Variants in MINDY3 observed in about 807,000 individuals in gnomAD.
MINDY3 encodes the protein MINDY lysine 48 deubiquitinase 3, also known as ubiquitin carboxyl-terminal hydrolase MINDY-3.
In MINDY3, 38 loss-of-function variants were observed where a neutral mutation model predicts 69.2. The ratio of observed to expected loss-of-function variants is 0.55; its 90% confidence interval spans 0.42 to 0.72. The LOEUF (loss-of-function observed/expected upper bound fraction) is 0.72. Ranked by LOEUF, MINDY3 falls within the 30% of genes least tolerant of loss-of-function variation. The pLI, the probability that MINDY3 is intolerant of heterozygous loss-of-function variation, is 0.00. For missense variants in MINDY3, 522 were observed against 519.0 expected, an observed-to-expected ratio of 1.01 and a Z score of -0.06; for synonymous variants, 192 against 180.1, an observed-to-expected ratio of 1.07 and a Z score of -0.53.
chr10:15,814,374 G>A (rs998818074), intron 10 of MINDY3, among the ~76,000 whole-genome samples: 2 of 151,922 alleles, frequency 1.3e-5, no homozygotes, highest in African/African-American at 4.8e-5. Context: ...AATGAGTCGT[G>A]TAAAATATTC....
intron 1 of MINDY3, among the ~76,000 whole-genome samples, chr10:15,858,254 AAAAG>A (rs1487292135): frequency 2.6e-5 from 4 of 152,204 alleles, no homozygotes; most frequent in African/African-American, 9.6e-5. Context: ...GTAAACGAAA[AAAAG>A]AAAGAAATCC....
chr10:15,827,317 G>A (rs931366461), intron 8 of MINDY3, among the ~76,000 whole-genome samples: 3 of 151,904 alleles, frequency 2.0e-5, no homozygotes, highest in Non-Finnish European at 1.5e-5. Flanking sequence ...CGAGGTTGAC[G>A]GATCACCTGA....
chr10:15,820,172 C>G (rs981021685), intron 9 of MINDY3, among the ~76,000 whole-genome samples: 2 of 152,124 alleles, frequency 1.3e-5, no homozygotes, highest in Admixed American at 6.6e-5. Flanking sequence ...AGAAAAAAGT[C>G]TCTGAGGTAC....
intron 10 of MINDY3, among the ~76,000 whole-genome samples, chr10:15,813,692 C>A (rs1839164021): frequency 6.6e-6 from 1 of 152,098 alleles, no homozygotes; most frequent in Non-Finnish European, 1.5e-5. Context: ...ATGAAGAAAC[C>A]TGCAACTATT....
At chr10:15,788,208 A>C (rs1286442151) in intron 12 of MINDY3, among the ~76,000 whole-genome samples, 4 of 152,188 alleles carry the variant, frequency 2.6e-5, no homozygotes. Context: ...AGTTAGAAGA[A>C]GTATAGTAAT....
At chr10:15,804,661 A>T (rs949853045) in intron 10 of MINDY3, among the ~76,000 whole-genome samples, 1 of 152,178 alleles carries the variant, frequency 6.6e-6, no homozygotes, top group African/African-American at 2.4e-5. Flanking sequence ...TAAATGCTGT[A>T]TAATTTACCT....
intron 7 of MINDY3, 78 bp downstream of exon 7, chr10:15,834,465 C>CT: frequency 2.0e-6 from 2 of 986,360 alleles, no homozygotes. Context: ...AATTACTTGA[C>CT]TCAGTCATGT....
At chr10:15,817,261 C>G (rs1039181559) in intron 9 of MINDY3, 1 of 189,266 alleles carries the variant, frequency 5.3e-6, no homozygotes, top group Non-Finnish European at 1.1e-5. Flanking sequence ...ACCTCAAACC[C>G]TAAAACTATA....
At chr10:15,808,955 C>T (rs1406382988) in intron 10 of MINDY3, among the ~76,000 whole-genome samples, 6 of 152,026 alleles carry the variant, frequency 3.9e-5, no homozygotes, top group African/African-American at 1.4e-4. Flanking sequence ...GATTCAAATG[C>T]ACAGTAAAAA....
intron 10 of MINDY3, 53 bp downstream of exon 10, chr10:15,816,782 A>C: frequency 8.3e-7 from 1 of 1,207,502 alleles, no homozygotes; most frequent in South Asian, 1.3e-5. Flanking sequence ...TGAACTTATA[A>C]TACTTGTTTG....
At chr10:15,790,271 A>G (rs1837308791) in intron 11 of MINDY3, among the ~76,000 whole-genome samples, 2 of 148,658 alleles carry the variant, frequency 1.3e-5, no homozygotes, top group African/African-American at 2.5e-5. Flanking sequence ...CTATTCTTAA[A>G]CCTCTTTTCT....
intron 11 of MINDY3, among the ~76,000 whole-genome samples, chr10:15,793,329 A>G (rs1398374903): frequency 1.3e-5 from 2 of 152,106 alleles, no homozygotes; most frequent in Admixed American, 6.6e-5. Context: ...TGAGCCAATT[A>G]TCTAGAGGTG....
At chr10:15,827,952 A>G (rs114441862) in intron 8 of MINDY3, among the ~76,000 whole-genome samples, 2,601 of 152,330 alleles carry the variant, frequency 0.017, 54 homozygotes, top group African/African-American at 0.056. Context: ...ACTTCAAAGA[A>G]TAAGTTTATA....
chr10:15,815,798 T>C (rs1376186141), intron 10 of MINDY3, among the ~76,000 whole-genome samples: 1 of 152,116 alleles, frequency 6.6e-6, no homozygotes. Flanking sequence ...TATGAATCCC[T>C]ATTTTAAAGA....
At chr10:15,782,456 T>C (rs952958561) in intron 13 of MINDY3, 6 of 463,604 alleles carry the variant, frequency 1.3e-5, no homozygotes, top group Non-Finnish European at 2.3e-5. Context: ...ATTTCCATTA[T>C]AAGCTCTTCA....
chr10:15,859,008 A>G (rs1452108472), intron 1 of MINDY3, among the ~76,000 whole-genome samples: 1 of 152,196 alleles, frequency 6.6e-6, no homozygotes, highest in Non-Finnish European at 1.5e-5. Context: ...GAGGTATATT[A>G]GGAATCGAGA....
chr10:15,842,492 T>C (rs1321778835), intron 3 of MINDY3, among the ~76,000 whole-genome samples: 1 of 151,874 alleles, frequency 6.6e-6, no homozygotes, highest in Non-Finnish European at 1.5e-5. Context: ...TGTTTTGTAT[T>C]TCACCTATTA....
intron 11 of MINDY3, among the ~76,000 whole-genome samples, chr10:15,790,393 G>A (rs935337565): frequency 3.3e-5 from 5 of 152,110 alleles, no homozygotes; most frequent in Admixed American, 1.3e-4. Context: ...TAAGTGAAGG[G>A]TTTAGAGTAA....
At chr10:15,811,510 A>G (rs991250097) in intron 10 of MINDY3, among the ~76,000 whole-genome samples, 1 of 152,176 alleles carries the variant, frequency 6.6e-6, no homozygotes, top group African/African-American at 2.4e-5. Context: ...TTCACTTCTA[A>G]CACAACACAA....
Sources: gnomAD v4.1 joint callset for allele counts (sites outside exome capture counted in the v4.1 genomes callset) on GRCh38, gnomAD v4.1.1 for gene constraint, MANE v1.5 for transcripts, NCBI Gene and HGNC (gene_info 2026-07-23, HGNC 2026-07-21) for gene names.